MYO3A: variants seen among roughly 807,000 people sequenced by gnomAD.
MYO3A encodes myosin-IIIa.
A neutral mutation model predicts 192.7 loss-of-function variants in MYO3A; 180 were observed. The ratio of observed to expected loss-of-function variants is 0.93; its 90% confidence interval spans 0.83 to 1.06. The LOEUF is 1.06. MYO3A is among the 50% of genes least tolerant of loss of function. The pLI, the probability that MYO3A is intolerant of heterozygous loss-of-function variation, is 0.00. For synonymous variants in MYO3A, 628 were observed against 645.3 expected, an observed-to-expected ratio of 0.97 and a Z score of 0.41; for missense variants, 1,896 against 1,905.0, an observed-to-expected ratio of 1.00 and a Z score of 0.09.
rs181434563 is a variant in MYO3A, at chr10:25,980,788, A to G, written c.304-15702A>G. ...AATTAAGCAGAAAGTAAAGAGCTAT[A>G]TAAGCTTCATCTTGTACTAGTGTGG... On this transcript the variant is annotated intron_variant, in intron 4 of 34. Transcript: ENST00000642920. Among the ~76,000 whole-genome samples, 155 of 152,340 alleles carry G rather than the reference A, an allele frequency of 1.0e-3. 1 individual carries two copies. The highest frequency in any genetic ancestry group is 8.8e-5 in the Non-Finnish European group (6 of 68,042).
At chr10:26,028,676 A>G (rs1055812867) in intron 10 of MYO3A, among the ~76,000 whole-genome samples, 1 of 152,198 alleles carries the variant, frequency 6.6e-6, no homozygotes, top group African/African-American at 2.4e-5. Flanking sequence ...CAAGCTCACA[A>G]TTTGGCTTGC....
At position 26,134,975 on chromosome 10, in the gene MYO3A, A is replaced by G. The variant is rs530676861; in HGVS notation, c.2262+6437A>G. ...CTTTCCTGTTGCAAACGTTCTGTCC[A>G]CAGTCTTAACCACATTTATTCATTG... On this transcript the variant is annotated intron_variant, in intron 20 of 34. Transcript: ENST00000642920. Among the ~76,000 whole-genome samples the G allele has an allele frequency of 7.2e-5, 11 of 152,318 alleles. No homozygotes were observed. The South Asian group carries it at 2.3e-3, about 32-fold the overall frequency.
rs970451626 is a variant in MYO3A, at chr10:25,999,187, C to T, written c.508+1929C>T. On this transcript the variant is annotated intron_variant, in intron 6 of 34. Transcript: ENST00000642920. ...GGCTGGGATTACAGGCGTGAGCCAC[C>T]GTGCCTGGCCTTTATATGATATCTT... Among the ~76,000 whole-genome samples, 5 of 152,232 alleles carry T rather than the reference C, an allele frequency of 3.3e-5. No individual in the cohort carries two copies. In the East Asian group the frequency reaches 5.8e-4, roughly 18 times the overall value.
intron 34 of MYO3A, among the ~76,000 whole-genome samples, chr10:26,209,693 C>T (rs1466597542): frequency 1.3e-5 from 2 of 152,226 alleles, no homozygotes; most frequent in Non-Finnish European, 2.9e-5. Flanking sequence ...TGCTCTTTCT[C>T]ATTCTCCCTG....
At chr10:26,033,487 C>A (rs539809763) in intron 10 of MYO3A, among the ~76,000 whole-genome samples, 2 of 152,218 alleles carry the variant, frequency 1.3e-5, no homozygotes, top group South Asian at 4.1e-4. Context: ...TAGTCCAAAC[C>A]AGGACTAAAT....
chr10:26,120,605 C>G (rs1005687715), intron 17 of MYO3A, 71 bp from the exon 18 acceptor site: 19 of 1,599,954 alleles, frequency 1.2e-5, no homozygotes, highest in Non-Finnish European at 1.6e-5. Context: ...TCCAGTCTGT[C>G]CCCAGCCATA....
At chr10:26,109,549 T>G (rs754325702) in intron 17 of MYO3A, among the ~76,000 whole-genome samples, 1 of 152,162 alleles carries the variant, frequency 6.6e-6, no homozygotes, top group Admixed American at 6.5e-5. Flanking sequence ...AGTACATATA[T>G]AGAGAGTTCA....
At chr10:26,072,566 G>T (rs968081282) in intron 14 of MYO3A, among the ~76,000 whole-genome samples, 14 of 152,166 alleles carry the variant, frequency 9.2e-5, no homozygotes, top group Admixed American at 8.5e-4. Flanking sequence ...TTGTCTGGAT[G>T]TGGTGATCTA....
chr10:26,157,280 T>C (rs1249266792), intron 25 of MYO3A, 30 bp from the exon 26 acceptor site: 104 of 1,602,542 alleles, frequency 6.5e-5, no homozygotes, highest in Non-Finnish European at 8.5e-5. Flanking sequence ...TATGCTACAT[T>C]GGGAAATTTA....
At position 26,143,479 on chromosome 10, in the gene MYO3A, G is replaced by A; in HGVS notation, c.2294G>A (p.Arg765Lys). The change falls in exon 21 of 35, where the codon AGA (arginine) becomes AAA (lysine). Residue 765 changes from arginine (R) to lysine (K), a missense_variant. Transcript: ENST00000642920. ...NEYLNEDVDA[R>K]VIEYEDNWPL... Reference sequence around the variant, plus strand: ...TACCTAAATGAAGATGTGGATGCTAGAGTTATTGAATATGAGGATAACTGG... The same window carrying A: ...TACCTAAATGAAGATGTGGATGCTAAAGTTATTGAATATGAGGATAACTGG... 1 of 1,613,018 alleles carries A rather than the reference G, an allele frequency of 6.2e-7. No homozygotes were observed. The highest frequency in any genetic ancestry group is 2.2e-5 in the East Asian group (1 of 44,816).
intron 27 of MYO3A, among the ~76,000 whole-genome samples, chr10:26,168,345 T>C (rs376383765): frequency 9.0e-6 from 1 of 111,656 alleles, no homozygotes; most frequent in Non-Finnish European, 2.0e-5. Context: ...ATTTTTTTAA[T>C]TTGGGAAATA....
intron 27 of MYO3A, among the ~76,000 whole-genome samples, chr10:26,167,135 C>A (rs1841796189): frequency 6.6e-6 from 1 of 152,112 alleles, no homozygotes; most frequent in Non-Finnish European, 1.5e-5. Context: ...ATAGATTGAC[C>A]ACTCAAGAAT....
chr10:26,023,529 G>C (rs1339815), intron 8 of MYO3A: 48,412 of 156,214 alleles, frequency 0.31, 7,815 homozygotes, highest in Middle Eastern at 0.44. Context: ...TTGACACTTT[G>C]TAACATGTTT....
chr10:25,980,657 G>T (rs1226163138), intron 4 of MYO3A, among the ~76,000 whole-genome samples: 1 of 152,066 alleles, frequency 6.6e-6, no homozygotes, highest in Admixed American at 6.5e-5. Flanking sequence ...AATTTTGTGT[G>T]CTTCATATTA....
chr10:26,184,109 T>C (rs1369833987), intron 31 of MYO3A, among the ~76,000 whole-genome samples: 1 of 152,150 alleles, frequency 6.6e-6, no homozygotes, highest in Non-Finnish European at 1.5e-5. Flanking sequence ...AAGGAGGCCA[T>C]GCAAGGCAGA....
intron 6 of MYO3A, among the ~76,000 whole-genome samples, chr10:26,004,230 C>T (rs1201693191): frequency 6.6e-6 from 1 of 151,850 alleles, no homozygotes; most frequent in African/African-American, 2.4e-5. Context: ...GGACGAACTT[C>T]CTGTAGATGA....
intron 10 of MYO3A, among the ~76,000 whole-genome samples, chr10:26,049,721 C>T (rs1348740783): frequency 2.1e-5 from 3 of 140,082 alleles, no homozygotes; most frequent in Non-Finnish European, 4.5e-5. Context: ...CTCTGTTACC[C>T]AGGCTGGAGT....
intron 31 of MYO3A, among the ~76,000 whole-genome samples, chr10:26,185,742 A>C (rs1002401290): frequency 4.6e-5 from 7 of 151,830 alleles, no homozygotes; most frequent in African/African-American, 7.3e-5. Context: ...ACTCACCCCC[A>C]ACCAAGGGAA....
At chr10:26,073,650 GA>G (rs1835354684) in intron 14 of MYO3A, among the ~76,000 whole-genome samples, 1 of 43,320 alleles carries the variant, frequency 2.3e-5, no homozygotes, top group African/African-American at 6.0e-5. Flanking sequence ...TAATAATAAT[GA>G]TAATAAATAA....
Sources: gnomAD v4.1 joint callset for allele counts (sites outside exome capture counted in the v4.1 genomes callset) on GRCh38, gnomAD v4.1.1 for gene constraint, MANE v1.5 for transcripts, NCBI Gene and HGNC (gene_info 2026-07-23, HGNC 2026-07-21) for gene names.